COL7A1: variants seen among roughly 807,000 people sequenced by gnomAD.
COL7A1 encodes collagen alpha-1(VII) chain.
A neutral mutation model predicts 456.2 loss-of-function variants in COL7A1; 296 were observed. That is an observed-to-expected ratio of 0.65 (90% CI 0.59 to 0.71). The LOEUF (loss-of-function observed/expected upper bound fraction) is 0.71, where lower values mean the gene tolerates loss of function less well. Among genes scored for constraint, COL7A1 ranks in the 30% least tolerant of loss-of-function variants. The pLI, the probability that COL7A1 is intolerant of heterozygous loss-of-function variation, is 0.00. For missense variants in COL7A1, 3,441 were observed against 4,017.2 expected, an observed-to-expected ratio of 0.86 and a Z score of 3.88; for synonymous variants, 1,464 against 1,525.9, an observed-to-expected ratio of 0.96 and a Z score of 0.95.
In COL7A1 at chr3:48,569,769, C is replaced by T; in HGVS notation, c.7522-9G>A. 1 of 1,614,192 alleles carries T rather than the reference C, an allele frequency of 6.2e-7. No homozygotes were observed. The highest frequency in any genetic ancestry group is 1.1e-5 in the South Asian group (1 of 91,088). ...GCACTCCCAACATCACCCTATTGGG[C>T]AAAAGAGTGTGAGTCCCGCCCAAAC... On this transcript the variant is annotated splice_polypyrimidine_tract_variant and intron_variant, in intron 100 of 118. Transcript: ENST00000681320. This position sits in a 1 kb window ranked among gnomAD's most constrained non-coding sequence, Gnocchi z 4.9.
chr3:48,590,217 T>G lies in COL7A1; in HGVS notation c.2046A>C (p.Arg682=), dbSNP rs2045593313. 1 of 1,612,958 alleles carries G rather than the reference T, an allele frequency of 6.2e-7. No homozygotes were observed. The highest frequency in any genetic ancestry group is 8.5e-7 in the Non-Finnish European group (1 of 1,179,794). ...EEGPAAVIVA[R]TDPLGPVRTV... ...GGGACGGGGGCAGGGCCTGACCCGT[T>G]CGAGCCACGATGACTGCAGCAGGGC... Residue 682 remains arginine, a synonymous_variant, in exon 16 of 119, where the codon CGA becomes CGC. Coordinates refer to ENST00000681320, the MANE Select transcript of COL7A1 (RefSeq NM_000094.4). This position sits in a 1 kb window ranked among gnomAD's most constrained non-coding sequence, Gnocchi z 4.6.
rs1253543897 is a variant in COL7A1 at position 48,566,169 on chromosome 3, ATCT to A, written c.8407+95_8407+97del. ...CTTCTGTGTATCCATCCATCCCCCC[ATCT>A]TCTTGACTGCTTGCCCTGTAAGTTC... is the stretch of plus-strand genomic sequence containing the variant. On this transcript the variant is annotated intron_variant, in intron 114 of 118. Coordinates refer to ENST00000681320, the MANE Select transcript of COL7A1 (RefSeq NM_000094.4). This position sits in a 1 kb window ranked among gnomAD's most constrained non-coding sequence, Gnocchi z 5.9. 2 of 1,293,174 alleles carry A rather than the reference ATCT, an allele frequency of 1.5e-6. No homozygotes were observed. The highest frequency in any genetic ancestry group is 2.9e-5 in the African/African-American group (2 of 67,910). 80.1% of individuals were successfully genotyped at this position (1,293,174 alleles called of 1,614,324 possible). A position where few individuals can be genotyped will look rare whatever the true frequency, so the allele number is the denominator to read the frequency against.
Position 48,574,755 on chromosome 3 carries a change from G to T in COL7A1, c.6349-34C>A. 6.2e-7 allele frequency: 1 copy of T among 1,613,980 alleles called. No individual in the cohort carries two copies. The highest frequency in any genetic ancestry group is 8.5e-7 in the Non-Finnish European group (1 of 1,180,020). ...ATGAGATGTCAAGTCAGTCCCTAGT[G>T]CCATGGCAGAGGGTGGCCCCGAGCT... On this transcript the variant is annotated intron_variant, in intron 77 of 118. Transcript: ENST00000681320. The surrounding 1 kb of genome is among the most constrained non-coding windows in gnomAD (Gnocchi z 5.0).
At position 48,593,404 on chromosome 3, in the gene COL7A1, T is replaced by C; in HGVS notation, c.472A>G (p.Thr158Ala). ...TGCCCCTTCAGCCTTTGGGCAGCTG[T>C]GTCCACCAGGTCCTGGGACTTCCCG... Reference protein sequence around the residue: ...TDGKSQDLVDTAAQRLKGQGV... With the variant: ...TDGKSQDLVDAAAQRLKGQGV... Residue 158 changes from threonine (T) to alanine (A), a missense_variant, in exon 5 of 119, where the codon ACA becomes GCA. By Grantham distance (58) the Thr-to-Ala change is moderately conservative (BLOSUM62 0). This residue lies in a region of COL7A1 where 913 missense variants were observed against 1,088.2 expected (regional missense o/e 0.84). Coordinates refer to ENST00000681320, the MANE Select transcript of COL7A1 (RefSeq NM_000094.4). This position sits in a 1 kb window ranked among gnomAD's most constrained non-coding sequence, Gnocchi z 4.4. 2.5e-6 allele frequency: 4 copies of C among 1,614,120 alleles called. No individual in the cohort carries two copies. The highest frequency in any genetic ancestry group is 3.4e-6 in the Non-Finnish European group (4 of 1,180,042).
At position 48,580,370 on chromosome 3, in the gene COL7A1, A is replaced by T; in HGVS notation, c.5053-26T>A. Reference sequence around the variant, plus strand: ...CTGCAGAAAGGCAGGGGTCAGGGCCACTCAAGGTAGGCAGCAGTTTGGGAG... The same window carrying T: ...CTGCAGAAAGGCAGGGGTCAGGGCCTCTCAAGGTAGGCAGCAGTTTGGGAG... On this transcript the variant is annotated intron_variant, in intron 55 of 118. Coordinates refer to ENST00000681320, the MANE Select transcript of COL7A1 (RefSeq NM_000094.4). This position sits in a 1 kb window ranked among gnomAD's most constrained non-coding sequence, Gnocchi z 4.5. The T allele has an allele frequency of 6.2e-7, 1 of 1,605,606 alleles. No individual in the cohort carries two copies. The highest frequency in any genetic ancestry group is 1.1e-5 in the South Asian group (1 of 89,720).
At position 48,581,056 on chromosome 3, in the gene COL7A1, C is replaced by T; in HGVS notation, c.4935+66G>A. ...GGAGTGGATGGATGAACTGGTGGAG[C>T]ACCAGCCTACTGGGATCCTAGTTCA... On this transcript the variant is annotated intron_variant, in intron 53 of 118. Coordinates refer to ENST00000681320, the MANE Select transcript of COL7A1 (RefSeq NM_000094.4). The surrounding 1 kb of genome is among the most constrained non-coding windows in gnomAD (Gnocchi z 5.8). The T allele has an allele frequency of 6.2e-7, 1 of 1,606,404 alleles. No homozygotes were observed. Among genetic ancestry groups the T allele is most frequent in the Non-Finnish European group, 8.5e-7 (1 of 1,173,582 alleles).
Position 48,579,540 on chromosome 3 carries a change from A to G in COL7A1, c.5236-25T>C, listed in dbSNP as rs535680433. On this transcript the variant is annotated intron_variant, in intron 59 of 118. Transcript: ENST00000681320. This position sits in a 1 kb window ranked among gnomAD's most constrained non-coding sequence, Gnocchi z 4.4. The stretch of plus-strand genomic sequence containing the variant: ...CCTGAGGATAGGGGAGGAAGAAATC[A>G]GAGCAGGCCCTCCCATGCCTGCACC... 4.3e-6 allele frequency: 7 copies of G among 1,613,914 alleles called. No individual in the cohort carries two copies. In the East Asian group the frequency reaches 1.3e-4, roughly 31 times the overall value.
In COL7A1 at chr3:48,576,785, A is replaced by G. The variant is rs749961187; in HGVS notation, c.5605-14T>C. 7.4e-6 allele frequency: 12 copies of G among 1,613,730 alleles called. 1 individual carries two copies. In the Middle Eastern group the frequency reaches 1.6e-3, roughly 222 times the overall value. On this transcript the variant is annotated splice_polypyrimidine_tract_variant and intron_variant, in intron 67 of 118. Transcript: ENST00000681320. ...GCCATCACGACCCTGTGAAGGATGC[A>G]GCCAGCATCAGCACCCTGAGACCTC...
At position 48,578,238 on chromosome 3, in the gene COL7A1, CAT is replaced by C. The variant is rs1038736918; in HGVS notation, c.5532+81_5532+82del. 6 of 1,514,162 alleles carry C rather than the reference CAT, an allele frequency of 4.0e-6. No individual in the cohort carries two copies. In the African/African-American group the frequency reaches 5.5e-5, roughly 14 times the overall value. 93.8% of individuals were successfully genotyped at this position (1,514,162 alleles called of 1,614,324 possible). On this transcript the variant is annotated intron_variant, in intron 65 of 118. Transcript: ENST00000681320. This position sits in a 1 kb window ranked among gnomAD's most constrained non-coding sequence, Gnocchi z 4.7. ...GATGCATGTGTCTACACGTGTGCCT[CAT>C]GTGTTGCTACAGATCTTGGCTGTGT...
In COL7A1 at chr3:48,586,191, G is replaced by C. The variant is rs1355369129; in HGVS notation, c.3606C>G (p.Arg1202=). Reference sequence around the variant, plus strand: ...GGACAGAGTCCATACCCGGCGCCAAGCGACGCAGCTGCTCTGGGTCCGCTC... The same window carrying C: ...GGACAGAGTCCATACCCGGCGCCAACCGACGCAGCTGCTCTGGGTCCGCTC... ...MAGADPEQLR[R]LAPGMDSVQT... Residue 1202 remains arginine, a synonymous_variant, in exon 28 of 119, where the codon CGC becomes CGG. Coordinates refer to ENST00000681320, the MANE Select transcript of COL7A1 (RefSeq NM_000094.4). The surrounding 1 kb of genome is among the most constrained non-coding windows in gnomAD (Gnocchi z 5.1). 6.2e-7 allele frequency: 1 copy of C among 1,613,414 alleles called. No individual in the cohort carries two copies. The highest frequency in any genetic ancestry group is 2.2e-5 in the East Asian group (1 of 44,886).
rs916649661 is a variant in COL7A1, at chr3:48,564,610, C to T, written c.8818+173G>A. 3 of 1,023,748 alleles carry T rather than the reference C, an allele frequency of 2.9e-6. No homozygotes were observed. The highest frequency in any genetic ancestry group is 1.5e-5 in the South Asian group (1 of 67,300). 63.4% of individuals were successfully genotyped at this position (1,023,748 alleles called of 1,614,324 possible). ...GGGGACCCTACTGGGGGCTCCACGGCTGGGGCTCTATATTCAGCTCTTTGG... is the reference window on the plus strand; with the variant it reads ...GGGGACCCTACTGGGGGCTCCACGGTTGGGGCTCTATATTCAGCTCTTTGG... On this transcript the variant is annotated intron_variant, in intron 118 of 118. Coordinates refer to ENST00000681320, the MANE Select transcript of COL7A1 (RefSeq NM_000094.4). This position sits in a 1 kb window ranked among gnomAD's most constrained non-coding sequence, Gnocchi z 6.0.
Position 48,570,789 on chromosome 3 carries a change from C to T in COL7A1, c.7272+72G>A. 6 of 1,559,626 alleles carry T rather than the reference C, an allele frequency of 3.8e-6. No individual in the cohort carries two copies. The South Asian group carries it at 7.0e-5, about 18-fold the overall frequency. ...CCTCTGCCCCCTCAAGACTGGGAAC[C>T]CCCAAGGCAGGGCCCCCTCCTCACC... On this transcript the variant is annotated intron_variant, in intron 95 of 118. Transcript: ENST00000681320. This position sits in a 1 kb window ranked among gnomAD's most constrained non-coding sequence, Gnocchi z 5.5.
At position 48,594,573 on chromosome 3, in the gene COL7A1, G is replaced by C. The variant is rs1460323176; in HGVS notation, c.86-25C>G. On this transcript the variant is annotated intron_variant, in intron 2 of 118. Coordinates refer to ENST00000681320, the MANE Select transcript of COL7A1 (RefSeq NM_000094.4). The surrounding 1 kb of genome is among the most constrained non-coding windows in gnomAD (Gnocchi z 5.5). ...ACTGGGGCGGGCAGGAGAGATCAGG[G>C]CCTCTTCTGGGAGGCCAACCACCCG... is the stretch of plus-strand genomic sequence containing the variant. 1 of 1,556,588 alleles carries C rather than the reference G, an allele frequency of 6.4e-7. No individual in the cohort carries two copies. The highest frequency in any genetic ancestry group is 1.4e-5 in the African/African-American group (1 of 73,476).
At position 48,578,973 on chromosome 3, in the gene COL7A1, T is replaced by C; in HGVS notation, c.5389-19A>G. The C allele has an allele frequency of 6.2e-7, 1 of 1,613,840 alleles. No individual in the cohort carries two copies. Among genetic ancestry groups the C allele is most frequent in the Non-Finnish European group, 8.5e-7 (1 of 1,179,950 alleles). On this transcript the variant is annotated intron_variant, in intron 62 of 118. Transcript: ENST00000681320. The surrounding 1 kb of genome is among the most constrained non-coding windows in gnomAD (Gnocchi z 4.7). ...CAGCACCCTGAGGAGAGACTCAAAGTCAGTTCATCATGGTCATGGGGTCAG... is the reference window on the plus strand; with the variant it reads ...CAGCACCCTGAGGAGAGACTCAAAGCCAGTTCATCATGGTCATGGGGTCAG...
Position 48,574,737 on chromosome 3 carries a change from G to A in COL7A1, c.6349-16C>T, listed in dbSNP as rs1459520842. 1.9e-6 allele frequency: 3 copies of A among 1,613,994 alleles called. No individual in the cohort carries two copies. Among genetic ancestry groups the A allele is most frequent in the Admixed American group, 3.3e-5 (2 of 60,030 alleles). On this transcript the variant is annotated splice_polypyrimidine_tract_variant and intron_variant, in intron 77 of 118. Transcript: ENST00000681320. The surrounding 1 kb of genome is among the most constrained non-coding windows in gnomAD (Gnocchi z 5.0). ...CCGGCTCCCCCTGTGGGGATGAGAT[G>A]TCAAGTCAGTCCCTAGTGCCATGGC...
rs1221249932 is a variant in COL7A1 at position 48,589,595 on chromosome 3, C to T, written c.2170+4G>A. 1 of 1,613,690 alleles carries T rather than the reference C, an allele frequency of 6.2e-7. No homozygotes were observed. The highest frequency in any genetic ancestry group is 1.1e-5 in the South Asian group (1 of 91,078). On this transcript the variant is annotated splice_donor_region_variant and intron_variant, in intron 17 of 118. Coordinates refer to ENST00000681320, the MANE Select transcript of COL7A1 (RefSeq NM_000094.4). ...CCTGCCCCCTCCCAAACCCCAGTCC[C>T]CACCGTGGGCTGAGTGCCAGGAAAC...
In COL7A1 at chr3:48,590,777, G is replaced by A; in HGVS notation, c.1676C>T (p.Ala559Val). 2 of 1,613,930 alleles carry A rather than the reference G, an allele frequency of 1.2e-6. No homozygotes were observed. Among genetic ancestry groups the A allele is most frequent in the Middle Eastern group, 3.3e-4 (2 of 6,062 alleles). ...AGCCTGAACGTCATCCAAGTCGAAT[G>A]CTGTCTGACTCCCAGGAAGCACCAG... ...RTLVLPGSQT[A>V]FDLDDVQAGL... is the part of the protein sequence containing the mutation. The change falls in exon 14 of 119, where the codon GCA becomes GTA. Residue 559 changes from alanine to valine, a missense_variant. Ala to Val is a moderately conservative substitution (Grantham distance 64, BLOSUM62 0). Around this residue, in one of 3 missense-constraint regions of COL7A1, gnomAD observed 913 missense variants for 1,088.2 expected, o/e 0.84. Transcript: ENST00000681320. This position sits in a 1 kb window ranked among gnomAD's most constrained non-coding sequence, Gnocchi z 4.6.
In COL7A1 at chr3:48,570,792, C is replaced by G. The variant is rs2043865387; in HGVS notation, c.7272+69G>C. The G allele has an allele frequency of 6.4e-7, 1 of 1,560,856 alleles. No individual in the cohort carries two copies. On this transcript the variant is annotated intron_variant, in intron 95 of 118. Transcript: ENST00000681320. This position sits in a 1 kb window ranked among gnomAD's most constrained non-coding sequence, Gnocchi z 5.5. ...CTGCCCCCTCAAGACTGGGAACCCC[C>G]AAGGCAGGGCCCCCTCCTCACCCAC...
At position 48,592,512 on chromosome 3, in the gene COL7A1, G is replaced by C; in HGVS notation, c.977-45C>G. On this transcript the variant is annotated intron_variant, in intron 8 of 118. Coordinates refer to ENST00000681320, the MANE Select transcript of COL7A1 (RefSeq NM_000094.4). This position sits in a 1 kb window ranked among gnomAD's most constrained non-coding sequence, Gnocchi z 7.6. ...GGGATTCATGGAGTCAGAAGTGGGA[G>C]GGGGTACTGGGGTCGGGGGTTAGGT... The C allele has an allele frequency of 6.2e-7, 1 of 1,613,394 alleles. No individual in the cohort carries two copies. Among genetic ancestry groups the C allele is most frequent in the East Asian group, 2.2e-5 (1 of 44,882 alleles).
Sources: allele counts gnomAD v4.1 joint callset, GRCh38; gene constraint gnomAD v4.1.1; regional missense constraint gnomAD v4.1.1; non-coding constraint Gnocchi (gnomAD v3.1); transcripts MANE v1.5; gene names NCBI Gene and HGNC (gene_info 2026-07-23, HGNC 2026-07-21).